BARHL2: variants seen among roughly 807,000 people sequenced by gnomAD.
The protein encoded by BARHL2 is BarH like homeobox 2.
In BARHL2, 10 loss-of-function variants were observed where a neutral mutation model predicts 27.1. The observed-to-expected ratio is 0.37, with a 90% CI of 0.23 to 0.63. The LOEUF is 0.63. BARHL2 is among the 20% of genes least tolerant of loss of function. The probability of loss-of-function intolerance (pLI) is 0.65; values close to 1 mark genes in which losing one functional copy is unlikely to be tolerated. For missense variants in BARHL2, 483 were observed against 533.5 expected (o/e 0.91, Z 0.93); for synonymous variants, 248 against 224.7 (o/e 1.10, Z -0.93).
intron 2 of BARHL2, among the ~76,000 whole-genome samples, chr1:90,713,036 CAA>C (rs1658068945): frequency 6.6e-6 from 1 of 152,118 alleles, no homozygotes; most frequent in African/African-American, 2.4e-5. Flanking sequence ...CCAACAATCC[CAA>C]AGAGTCTGCT....
At position 90,712,485 on chromosome 1, in the gene BARHL2, C is replaced by A; in HGVS notation, c.991G>T (p.Ala331Ser). The part of the protein sequence containing the change: ...LLGSMDSTTA[A>S]AAAAAMYSSM... The stretch of plus-strand genomic sequence containing the variant: ...CTGTACATGGCAGCGGCAGCCGCCG[C>A]CGCCGTAGTGCTGTCCATGCTGCCC... Residue 331 changes from alanine (A) to serine (S), a missense_variant, in exon 3 of 3, where the codon GCG becomes TCG. Coordinates refer to ENST00000370445, the MANE Select transcript of BARHL2 (RefSeq NM_020063.2). 1.2e-6 allele frequency: 2 copies of A among 1,613,376 alleles called. No individual in the cohort carries two copies. The highest frequency in any genetic ancestry group is 1.7e-6 in the Non-Finnish European group (2 of 1,179,790).
intron 1 of BARHL2, 27 bp from the exon 2 acceptor site, chr1:90,714,783 T>A: frequency 6.2e-7 from 1 of 1,608,950 alleles, no homozygotes; most frequent in Non-Finnish European, 8.5e-7. Flanking sequence ...GCCACGGTGG[T>A]AAGTTAGCCT....
chr1:90,714,982 G>T lies in BARHL2; in HGVS notation c.626-226C>A, dbSNP rs1355099350. On this transcript the variant is annotated intron_variant, in intron 1 of 2. Transcript: ENST00000370445. ...ACCTTGTTTAGAGTTTCTAAAGGGG[G>T]TCTAAAAGGGTGTCTGATCTTCACA... Among the ~76,000 whole-genome samples, 3 of 152,114 alleles carry T rather than the reference G, an allele frequency of 2.0e-5. No individual in the cohort carries two copies. The East Asian group carries it at 5.8e-4, about 29-fold the overall frequency.
intron 2 of BARHL2, among the ~76,000 whole-genome samples, chr1:90,714,258 T>G (rs1029545213): frequency 4.6e-5 from 7 of 152,120 alleles, no homozygotes; most frequent in Non-Finnish European, 1.0e-4. Context: ...GGGGATGAAG[T>G]GGGGGGAATT....
rs763565738 is a variant in BARHL2, at chr1:90,716,837, GGCTGCTGTGGCGGCAGCGGCT to G, written c.338_358del (p.Gln113_Gln119del). ...CAGCTGCTGGGGGGGCGGCGGCGGC[GGCTGCTGTGGCGGCAGCGGCT>G]GCTGCTGTTGGGGCAAAGGCTGCAA... On this transcript the variant is annotated inframe_deletion, in exon 1 of 3. Transcript: ENST00000370445. 12 of 1,554,018 alleles carry G rather than the reference GGCTGCTGTGGCGGCAGCGGCT, an allele frequency of 7.7e-6. No individual in the cohort carries two copies. In the Middle Eastern group the frequency reaches 7.0e-4, roughly 91 times the overall value.
In BARHL2 at chr1:90,714,754, T is replaced by C. The variant is rs1196217355; in HGVS notation, c.628A>G (p.Thr210Ala). 6.2e-7 allele frequency: 1 copy of C among 1,614,094 alleles called. No individual in the cohort carries two copies. Among genetic ancestry groups the C allele is most frequent in the Non-Finnish European group, 8.5e-7 (1 of 1,179,974 alleles). The part of the protein sequence containing the change: ...DSQSDIKCHG[T>A]KEEGDREITS... ...ATCTCCCGGTCTCCTTCCTCCTTTG[T>C]CCCTACCATAGAAACCCAGCCACGG... Residue 210 changes from threonine (T) to alanine (A), a missense_variant and splice_region_variant, in exon 2 of 3, where the codon ACA (threonine) becomes GCA (alanine). Physicochemically the swap from Thr to Ala is moderately conservative, Grantham distance 58. Transcript: ENST00000370445.
In BARHL2 at chr1:90,712,502, A is replaced by C. The variant is rs1409331850; in HGVS notation, c.974T>G (p.Met325Arg). The C allele has an allele frequency of 1.4e-5, 23 of 1,613,896 alleles. No individual in the cohort carries two copies. The highest frequency in any genetic ancestry group is 1.9e-5 in the Non-Finnish European group (22 of 1,179,990). The change falls in exon 3 of 3, where the codon ATG becomes AGG. Residue 325 changes from methionine to arginine, a missense_variant. This residue lies in a region of BARHL2 where 130 missense variants were observed against 138.0 expected (regional missense o/e 0.94). Coordinates refer to ENST00000370445, the MANE Select transcript of BARHL2 (RefSeq NM_020063.2). ...YFYHPSLLGS[M>R]DSTTAAAAAA... ...AGCCGCCGCCGCCGTAGTGCTGTCC[A>C]TGCTGCCCAGCAGGCTTGGGTGATA...
chr1:90,713,671 G>C (rs1658084007), intron 2 of BARHL2, among the ~76,000 whole-genome samples: 1 of 152,210 alleles, frequency 6.6e-6, no homozygotes, highest in Non-Finnish European at 1.5e-5. Context: ...AAAAGGAGGG[G>C]TAGAGAAAAT....
chr1:90,716,902 G>C lies in BARHL2; in HGVS notation c.294C>G (p.Ala98=), dbSNP rs1224945150. The change falls in exon 1 of 3, where the codon GCC becomes GCG. Residue 98 remains alanine (A), a synonymous_variant. Coordinates refer to ENST00000370445, the MANE Select transcript of BARHL2 (RefSeq NM_020063.2). ...GCTGCAAACTTTGCGTCGGGGCCGC[G>C]GCCGGCGGCGGCGGCTGCTGGCTGT... The part of the protein sequence containing the change: ...LHHSQQPPPP[A]AAPTQSLQPL... 6.2e-7 allele frequency: 1 copy of C among 1,600,454 alleles called. No individual in the cohort carries two copies. Among genetic ancestry groups the C allele is most frequent in the Admixed American group, 1.7e-5 (1 of 57,782 alleles).
At chr1:90,714,981 G>C (rs1021622954) in intron 1 of BARHL2, among the ~76,000 whole-genome samples, 3 of 151,880 alleles carry the variant, frequency 2.0e-5, no homozygotes, top group African/African-American at 7.3e-5. Flanking sequence ...TTCTAAAGGG[G>C]GTCTAAAAGG....
At position 90,712,270 on chromosome 1, in the gene BARHL2, G is replaced by C; in HGVS notation, c.*42C>G. ...GACGGGCAGCAGTCCGGGTTGGGCA[G>C]GGATATGGGGAAGGGATTGCAGTGC... On this transcript the variant is annotated 3_prime_UTR_variant, in exon 3 of 3. Transcript: ENST00000370445. The C allele has an allele frequency of 7.0e-7, 1 of 1,424,902 alleles. No homozygotes were observed. Among genetic ancestry groups the C allele is most frequent in the Non-Finnish European group, 9.2e-7 (1 of 1,088,720 alleles). 88.3% of individuals were successfully genotyped at this position (1,424,902 alleles called of 1,614,324 possible).
chr1:90,716,445 C>A (rs1051736632), intron 1 of BARHL2, 126 bp downstream of exon 1: 13 of 1,006,574 alleles, frequency 1.3e-5, no homozygotes, highest in South Asian at 6.9e-5. Context: ...GTCTTTTGAC[C>A]GTCGCCCAGT....
chr1:90,713,009 T>C (rs937918332), intron 2 of BARHL2, among the ~76,000 whole-genome samples: 2 of 152,056 alleles, frequency 1.3e-5, no homozygotes, highest in Non-Finnish European at 2.9e-5. Flanking sequence ...TAGTTCCCCT[T>C]CCACATCTCC....
intron 2 of BARHL2, among the ~76,000 whole-genome samples, chr1:90,713,278 T>A (rs1339718692): frequency 6.6e-6 from 1 of 152,186 alleles, no homozygotes; most frequent in Admixed American, 6.5e-5. Flanking sequence ...AAGGGCAAAG[T>A]ACCTCCTGGC....
intron 2 of BARHL2, 122 bp downstream of exon 2, chr1:90,714,409 T>G: frequency 5.4e-6 from 5 of 931,910 alleles, no homozygotes; most frequent in Non-Finnish European, 8.3e-6. Context: ...AGCACCCAAG[T>G]GCCCACTCCA....
chr1:90,714,105 T>G (rs1199254338), intron 2 of BARHL2, among the ~76,000 whole-genome samples: 1 of 152,176 alleles, frequency 6.6e-6, no homozygotes, highest in Non-Finnish European at 1.5e-5. Flanking sequence ...GGAATAGCAA[T>G]AGCTGGGCCG....
rs576963559 is a variant in BARHL2 at position 90,716,826 on chromosome 1, G to A, written c.370C>T (p.Pro124Ser). The A allele has an allele frequency of 1.0e-4, 155 of 1,546,532 alleles. No homozygotes were observed. Among genetic ancestry groups the A allele is most frequent in the South Asian group, 9.4e-4 (79 of 84,014 alleles). ...PLPPQQPPPP[P>S]PQQLGSAASA... ...GCGGCCGAGCCCAGCTGCTGGGGGG[G>A]CGGCGGCGGCGGCTGCTGTGGCGGC... The change falls in exon 1 of 3, where the codon CCC becomes TCC. Residue 124 changes from proline to serine, a missense_variant. Pro to Ser is a moderately conservative substitution (Grantham distance 74). Transcript: ENST00000370445.
At position 90,712,362 on chromosome 1, in the gene BARHL2, C is replaced by A; in HGVS notation, c.1114G>T (p.Ala372Ser). Reference sequence around the variant, plus strand: ...ATGGGGCTGGACAATGGATTAAGGGCTGGCTGTCCCCCAGGCCCTAGGCCG... The same window carrying A: ...ATGGGGCTGGACAATGGATTAAGGGATGGCTGTCCCCCAGGCCCTAGGCCG... ...IHGLGPGGQP[A>S]LNPLSSPIPG... is the part of the protein sequence containing the mutation. Residue 372 changes from alanine to serine, a missense_variant, in exon 3 of 3, where the codon GCC (alanine) becomes TCC (serine). Around this residue, in one of 3 missense-constraint regions of BARHL2, gnomAD observed 130 missense variants for 138.0 expected, o/e 0.94. Coordinates refer to ENST00000370445, the MANE Select transcript of BARHL2 (RefSeq NM_020063.2). 1 of 1,544,736 alleles carries A rather than the reference C, an allele frequency of 6.5e-7. No individual in the cohort carries two copies. Among genetic ancestry groups the A allele is most frequent in the Non-Finnish European group, 8.8e-7 (1 of 1,141,092 alleles).
In BARHL2 at chr1:90,714,895, C is replaced by A. The variant is rs1658111754; in HGVS notation, c.626-139G>T. ...CACTCTGCCACCCCTAGAACACACA[C>A]ACACTCACGCCTTAGCCTGAGTGTG... On this transcript the variant is annotated intron_variant, in intron 1 of 2. Coordinates refer to ENST00000370445, the MANE Select transcript of BARHL2 (RefSeq NM_020063.2). The A allele has an allele frequency of 9.8e-6, 7 of 716,534 alleles. No individual in the cohort carries two copies. The East Asian group carries it at 1.8e-4, about 19-fold the overall frequency. The allele number at this position is 716,534 out of a possible 1,614,324, so 44.4% of individuals were successfully genotyped here.
Sources: gnomAD v4.1 joint callset for allele counts (sites outside exome capture counted in the v4.1 genomes callset) on GRCh38, gnomAD v4.1.1 for gene constraint, gnomAD v4.1.1 regional missense constraint, MANE v1.5 for transcripts, NCBI Gene and HGNC (gene_info 2026-07-23, HGNC 2026-07-21) for gene names.